Variants in ADGRL2 observed in about 807,000 individuals in gnomAD.
ADGRL2 encodes the protein adhesion G protein-coupled receptor L2.
A neutral mutation model predicts 157.4 loss-of-function variants in ADGRL2; 44 were observed. The observed-to-expected ratio is 0.28, with a 90% CI of 0.22 to 0.36. ADGRL2 has a LOEUF of 0.36. Ranked by LOEUF, ADGRL2 falls within the 10% of genes least tolerant of loss-of-function variation. The pLI, the probability that ADGRL2 is intolerant of heterozygous loss-of-function variation, is 1.00. For synonymous variants in ADGRL2, 585 were observed against 624.7 expected (o/e 0.94, Z 0.95); for missense variants, 1,510 against 1,768.9 (o/e 0.85, Z 2.63).
intron 1 of ADGRL2, among the ~76,000 whole-genome samples, chr1:81,758,338 G>A (rs993022762): frequency 4.6e-5 from 7 of 152,278 alleles, no homozygotes; most frequent in Middle Eastern, 3.4e-3. Flanking sequence ...CAAGAGCCAA[G>A]TCAAGACTGA....
chr1:81,378,015 C>T (rs79629347), intron 1 of ADGRL2, among the ~76,000 whole-genome samples: 1 of 152,062 alleles, frequency 6.6e-6, no homozygotes, highest in African/African-American at 2.4e-5. Flanking sequence ...ACTCTCTCTA[C>T]TAAAAATACA....
chr1:81,907,882 A>G (rs746822527), intron 3 of ADGRL2, among the ~76,000 whole-genome samples: 1 of 152,222 alleles, frequency 6.6e-6, no homozygotes, highest in Non-Finnish European at 1.5e-5. Flanking sequence ...TTGTAGTATC[A>G]TACAGAATAC....
chr1:81,320,117 T>G (rs1323962136), intron 1 of ADGRL2, among the ~76,000 whole-genome samples: 1 of 152,238 alleles, frequency 6.6e-6, no homozygotes. Context: ...TCACCAAGAA[T>G]AGTTTCCATC....
intron 1 of ADGRL2, among the ~76,000 whole-genome samples, chr1:81,833,731 G>A (rs546776791): frequency 1.3e-5 from 2 of 152,280 alleles, no homozygotes; most frequent in African/African-American, 4.8e-5. Context: ...AATGGAAGCA[G>A]GTTACTGTCT....
At chr1:81,956,768 G>A (rs1216161012) in intron 11 of ADGRL2, among the ~76,000 whole-genome samples, 1 of 152,178 alleles carries the variant, frequency 6.6e-6, no homozygotes, top group African/African-American at 2.4e-5. Flanking sequence ...AGTTAGTGAA[G>A]TAAAAAGCTT....
chr1:81,443,905 T>G (rs1393439164), intron 1 of ADGRL2, among the ~76,000 whole-genome samples: 3 of 152,196 alleles, frequency 2.0e-5, no homozygotes, highest in African/African-American at 4.8e-5. Context: ...TGAGATAAAT[T>G]AATATACTTA....
intron 3 of ADGRL2, among the ~76,000 whole-genome samples, chr1:81,670,485 G>A (rs377423989): frequency 1.5e-4 from 23 of 152,278 alleles, no homozygotes; most frequent in African/African-American, 5.5e-4. Flanking sequence ...ACGAAGCCTA[G>A]AAGTCTGAGT....
chr1:81,368,198 T>C (rs1032137877), intron 1 of ADGRL2, among the ~76,000 whole-genome samples: 4 of 152,212 alleles, frequency 2.6e-5, no homozygotes, highest in African/African-American at 9.6e-5. Flanking sequence ...CTGATGTTTC[T>C]TGACTTTTTA....
chr1:81,881,698 C>T (rs1050652449), intron 2 of ADGRL2, among the ~76,000 whole-genome samples: 4 of 152,176 alleles, frequency 2.6e-5, no homozygotes, highest in African/African-American at 9.7e-5. Context: ...TGAGTTCCTA[C>T]ACCGCTTACA....
At chr1:81,884,840 T>A (rs2094087168) in intron 2 of ADGRL2, among the ~76,000 whole-genome samples, 1 of 152,198 alleles carries the variant, frequency 6.6e-6, no homozygotes, top group South Asian at 2.1e-4. Flanking sequence ...ACTATATTGG[T>A]AATATTGCTT....
intron 1 of ADGRL2, among the ~76,000 whole-genome samples, chr1:81,399,407 T>C (rs139629557): frequency 1.3e-5 from 2 of 152,340 alleles, no homozygotes; most frequent in East Asian, 1.9e-4. Flanking sequence ...TAGAAGTCCA[T>C]AATACTAATA....
At chr1:81,524,914 T>A (rs977468825) in intron 2 of ADGRL2, among the ~76,000 whole-genome samples, 8 of 151,666 alleles carry the variant, frequency 5.3e-5, no homozygotes, top group Admixed American at 6.6e-5. Context: ...TAAAAAAAAA[T>A]AAAAATAGGA....
intron 1 of ADGRL2, among the ~76,000 whole-genome samples, chr1:81,831,501 A>G (rs2091942442): frequency 6.6e-6 from 1 of 152,118 alleles, no homozygotes; most frequent in East Asian, 1.9e-4. Context: ...AAATAAGGTT[A>G]TCTGGTCTAC....
intron 3 of ADGRL2, among the ~76,000 whole-genome samples, chr1:81,907,432 G>C (rs1572048987): frequency 6.6e-6 from 1 of 151,996 alleles, no homozygotes; most frequent in African/African-American, 2.4e-5. Context: ...AATATAGCTT[G>C]ACATGTATCA....
At chr1:81,387,213 A>G (rs766763557) in intron 1 of ADGRL2, among the ~76,000 whole-genome samples, 1 of 152,138 alleles carries the variant, frequency 6.6e-6, no homozygotes, top group Admixed American at 6.6e-5. Flanking sequence ...AAAACAAAAT[A>G]CCAATATTAA....
intron 3 of ADGRL2, among the ~76,000 whole-genome samples, chr1:81,928,724 A>G (rs1000366962): frequency 2.6e-5 from 4 of 152,152 alleles, no homozygotes; most frequent in Non-Finnish European, 4.4e-5. Context: ...TTTGTTTAGC[A>G]TATACAATTC....
At chr1:81,530,872 C>T (rs1292432588) in intron 2 of ADGRL2, among the ~76,000 whole-genome samples, 2 of 151,942 alleles carry the variant, frequency 1.3e-5, no homozygotes, top group Admixed American at 6.6e-5. Flanking sequence ...ATCACGAGGT[C>T]GGGAGTTCGA....
At chr1:81,667,817 G>T (rs1275946383) in intron 3 of ADGRL2, among the ~76,000 whole-genome samples, 4 of 151,946 alleles carry the variant, frequency 2.6e-5, no homozygotes, top group Non-Finnish European at 5.9e-5. Flanking sequence ...ATAAGTTAAT[G>T]TCCAAGACAT....
rs186123116 is a variant in ADGRL2 at position 81,982,225 on chromosome 1, C to T, written c.3282+249C>T. Among the ~76,000 whole-genome samples, 560 of 151,760 alleles carry T rather than the reference C, an allele frequency of 3.7e-3. 5 individuals are homozygous for T. Among genetic ancestry groups the T allele is most frequent in the Non-Finnish European group, 3.5e-3 (235 of 67,852 alleles). ...CTTAGGTTAAGATTTCTTCCTTGCT[C>T]GTAGGGTCTATAAAATGCTAGGTAC... On this transcript the variant is annotated intron_variant, in intron 19 of 23. Transcript: ENST00000686636.
Sources: allele counts gnomAD v4.1 joint callset (sites outside exome capture counted in the v4.1 genomes callset), GRCh38; gene constraint gnomAD v4.1.1; transcripts MANE v1.5; gene names NCBI Gene and HGNC (gene_info 2026-07-23, HGNC 2026-07-21).